Variants in GATC observed in about 807,000 individuals in gnomAD.
GATC encodes the protein glutamyl-tRNA(Gln) amidotransferase subunit C, mitochondrial.
Under a neutral mutation model 14.4 loss-of-function variants are expected in GATC, and 11 were observed. The ratio of observed to expected loss-of-function variants is 0.77; its 90% confidence interval spans 0.48 to 1.27. The LOEUF (loss-of-function observed/expected upper bound fraction) is 1.27. Ranked by LOEUF, GATC falls within the 50% of genes most tolerant of loss-of-function variation. GATC has a pLI of 0.00. For synonymous variants in GATC, 76 were observed against 79.3 expected, an observed-to-expected ratio of 0.96 and a Z score of 0.22; for missense variants, 204 against 183.0, an observed-to-expected ratio of 1.11 and a Z score of -0.66.
Position 120,461,798 on chromosome 12 carries a change from A to G in GATC, c.*1839A>G. On this transcript the variant is annotated 3_prime_UTR_variant, in exon 4 of 4. Coordinates refer to ENST00000551765, the MANE Select transcript of GATC (RefSeq NM_176818.3). The stretch of plus-strand genomic sequence containing the variant: ...TTTTTCCCATAATCAGGGGTGAAAA[A>G]TATACAACTTGTTTCTGAACCAAAA... 1 of 435,064 alleles carries G rather than the reference A, an allele frequency of 2.3e-6. No homozygotes were observed. Among genetic ancestry groups the G allele is most frequent in the Non-Finnish European group, 3.9e-6 (1 of 256,856 alleles). 27.0% of individuals were successfully genotyped at this position (435,064 alleles called of 1,614,324 possible).
At position 120,446,642 on chromosome 12, in the gene GATC, T is replaced by C. The variant is rs758421104; in HGVS notation, c.82-15T>C. On this transcript the variant is annotated splice_polypyrimidine_tract_variant and intron_variant, in intron 1 of 3. Coordinates refer to ENST00000551765, the MANE Select transcript of GATC (RefSeq NM_176818.3). ...GCGCCGGTGACCCACACTCCCCGCC[T>C]CATCCCTCCTCCAGGGCAGTGGCCG... is the stretch of plus-strand genomic sequence containing the variant. 2 of 1,604,404 alleles carry C rather than the reference T, an allele frequency of 1.2e-6. No individual in the cohort carries two copies. Among genetic ancestry groups the C allele is most frequent in the South Asian group, 1.1e-5 (1 of 90,658 alleles).
chr12:120,454,238 G>A (rs185936450), intron 2 of GATC, among the ~76,000 whole-genome samples: 6 of 152,306 alleles, frequency 3.9e-5, no homozygotes, highest in African/African-American at 9.6e-5. Context: ...AGGAGCAGGT[G>A]CTACTCAGAG....
intron 2 of GATC, among the ~76,000 whole-genome samples, chr12:120,451,825 A>ACAT (rs1878053985): frequency 6.6e-6 from 1 of 150,904 alleles, no homozygotes; most frequent in Non-Finnish European, 1.5e-5. Flanking sequence ...ATTTGGTTTG[A>ACAT]GGTAAAAACA....
At chr12:120,450,453 C>G (rs1036076607) in intron 2 of GATC, 2 of 152,272 alleles carry the variant, frequency 1.3e-5, no homozygotes, top group Non-Finnish European at 2.9e-5. Context: ...CCCATCCACA[C>G]TGACTGTAGA....
At chr12:120,454,521 C>T (rs1878128226) in intron 2 of GATC, among the ~76,000 whole-genome samples, 1 of 151,630 alleles carries the variant, frequency 6.6e-6, no homozygotes, top group Non-Finnish European at 1.5e-5. Context: ...CCAGGGTTCA[C>T]GCCGTTCCCC....
chr12:120,457,279 A>G, intron 3 of GATC, 100 bp downstream of exon 3: 1 of 873,776 alleles, frequency 1.1e-6, no homozygotes. Context: ...AGGCACTTTG[A>G]AAAGGATGAA....
intron 3 of GATC, among the ~76,000 whole-genome samples, chr12:120,458,941 A>G (rs1878256248): frequency 6.6e-6 from 1 of 152,126 alleles, no homozygotes; most frequent in African/African-American, 2.4e-5. Context: ...GCTCACTGCA[A>G]GCTCCACCTT....
intron 2 of GATC, 74 bp from the exon 3 acceptor site, chr12:120,457,002 T>C: frequency 1.1e-6 from 1 of 920,148 alleles, no homozygotes; most frequent in African/African-American, 1.6e-5. Context: ...TGTTCTCTCC[T>C]TCTTGCCCCT....
At position 120,462,398 on chromosome 12, in the gene GATC, C is replaced by T; in HGVS notation, c.*2439C>T. The T allele has an allele frequency of 2.6e-6, 1 of 388,910 alleles. No individual in the cohort carries two copies. Among genetic ancestry groups the T allele is most frequent in the East Asian group, 4.4e-5 (1 of 22,864 alleles). 24.1% of individuals were successfully genotyped at this position (388,910 alleles called of 1,614,324 possible). ...GTTATATCATTTGCCCAAGGTAACA[C>T]AATAAATGCCAATTTGACATGTTGA... On this transcript the variant is annotated 3_prime_UTR_variant, in exon 4 of 4. Coordinates refer to ENST00000551765, the MANE Select transcript of GATC (RefSeq NM_176818.3).
chr12:120,455,516 A>G (rs1257439098), intron 2 of GATC, among the ~76,000 whole-genome samples: 1 of 151,814 alleles, frequency 6.6e-6, no homozygotes, highest in Non-Finnish European at 1.5e-5. Context: ...TTAATGTCTG[A>G]AAAGATCATA....
chr12:120,454,706 C>T (rs373312393), intron 2 of GATC, among the ~76,000 whole-genome samples: 9 of 151,774 alleles, frequency 5.9e-5, no homozygotes, highest in Non-Finnish European at 8.8e-5. Context: ...TGAGGCACCG[C>T]GCCCGGCCTC....
At position 120,454,939 on chromosome 12, in the gene GATC, G is replaced by A. The variant is rs142791375; in HGVS notation, c.255-2137G>A. 5.2e-3 allele frequency: 2,231 copies of A among 427,286 alleles called. 15 individuals carry two copies. The highest frequency in any genetic ancestry group is 0.013 in the Admixed American group (526 of 41,214). The allele number at this position is 427,286 out of a possible 1,614,324, so 26.5% of individuals were successfully genotyped here. Reference sequence around the variant, plus strand: ...GTCTCACTCTGTCACCCAGGTTGGAGTGCAGTGGTGTGATCTCCGCTCACT... The same window carrying A: ...GTCTCACTCTGTCACCCAGGTTGGAATGCAGTGGTGTGATCTCCGCTCACT... On this transcript the variant is annotated intron_variant, in intron 2 of 3. Transcript: ENST00000551765.
intron 2 of GATC, among the ~76,000 whole-genome samples, chr12:120,456,491 C>G (rs1460434096): frequency 6.6e-6 from 1 of 152,226 alleles, no homozygotes; most frequent in Non-Finnish European, 1.5e-5. Flanking sequence ...CTCTGCTTAG[C>G]TTTCCAGCTT....
rs768249996 is a variant in GATC, at chr12:120,462,200, A to G, written c.*2241A>G. On this transcript the variant is annotated 3_prime_UTR_variant, in exon 4 of 4. Coordinates refer to ENST00000551765, the MANE Select transcript of GATC (RefSeq NM_176818.3). ...CAAAAACAAAAAGAGTAAAGGGGAAAAAAATCAGAGCCAGAAGAATAAGCA... is the reference window on the plus strand; with the variant it reads ...CAAAAACAAAAAGAGTAAAGGGGAAGAAAATCAGAGCCAGAAGAATAAGCA... 9.5e-6 allele frequency: 15 copies of G among 1,574,018 alleles called. No homozygotes were observed. The highest frequency in any genetic ancestry group is 1.1e-5 in the Non-Finnish European group (13 of 1,158,212).
intron 3 of GATC, 38 bp downstream of exon 3, chr12:120,457,217 C>A: frequency 7.1e-7 from 1 of 1,416,054 alleles, no homozygotes; most frequent in South Asian, 1.2e-5. Flanking sequence ...GATAGTCTCA[C>A]AGTAACCTTA....
chr12:120,451,144 A>T lies in GATC; in HGVS notation c.254+4315A>T, dbSNP rs1276066817. 3.9e-4 allele frequency among the ~76,000 whole-genome samples: 9 copies of T among 23,330 alleles called. No homozygotes were observed. The East Asian group carries it at 3.9e-3, about 10-fold the overall frequency. The allele number at this position is 23,330 out of a possible 152,430, so 15.3% of individuals were successfully genotyped here. Reference sequence around the variant, plus strand: ...GGGCGACAGAGCAAGACTCCATCTCAAAAAAAAAAAAAAAAAGGTAGACTG... The same window carrying T: ...GGGCGACAGAGCAAGACTCCATCTCTAAAAAAAAAAAAAAAAGGTAGACTG... On this transcript the variant is annotated intron_variant, in intron 2 of 3. Transcript: ENST00000551765.
At chr12:120,455,057 T>C in intron 2 of GATC, 1 of 413,366 alleles carries the variant, frequency 2.4e-6, no homozygotes. Context: ...CCGGCTAACT[T>C]TTATATTTTT....
intron 3 of GATC, among the ~76,000 whole-genome samples, chr12:120,459,668 A>G (rs1729560058): frequency 6.6e-6 from 1 of 152,176 alleles, no homozygotes; most frequent in Non-Finnish European, 1.5e-5. Flanking sequence ...CATCCTGGCT[A>G]ACACGGTGAA....
At position 120,461,742 on chromosome 12, in the gene GATC, A is replaced by G. The variant is rs909947307; in HGVS notation, c.*1783A>G. ...AGTCACAGTAACTGTTGATCTCCAT[A>G]GTAGAGCAACCCACAAAGACAGAAC... On this transcript the variant is annotated 3_prime_UTR_variant, in exon 4 of 4. Coordinates refer to ENST00000551765, the MANE Select transcript of GATC (RefSeq NM_176818.3). 1 of 274,258 alleles carries G rather than the reference A, an allele frequency of 3.6e-6. No homozygotes were observed. Among genetic ancestry groups the G allele is most frequent in the Non-Finnish European group, 6.8e-6 (1 of 146,508 alleles). The allele number at this position is 274,258 out of a possible 1,614,324, so 17.0% of individuals were successfully genotyped here.
Sources: allele counts gnomAD v4.1 joint callset (sites outside exome capture counted in the v4.1 genomes callset), GRCh38; gene constraint gnomAD v4.1.1; transcripts MANE v1.5; gene names NCBI Gene and HGNC (gene_info 2026-07-23, HGNC 2026-07-21).